ARHGEF3: variants seen among roughly 807,000 people sequenced by gnomAD.
ARHGEF3 encodes the protein 59.8 kDA protein.
A neutral mutation model predicts 63.2 loss-of-function variants in ARHGEF3; 28 were observed. The ratio of observed to expected loss-of-function variants is 0.44; its 90% CI spans 0.33 to 0.61. The LOEUF (loss-of-function observed/expected upper bound fraction) is 0.61, where lower values mean the gene tolerates loss of function less well. ARHGEF3 is among the 20% of genes least tolerant of loss of function. The pLI is 0.03. For synonymous variants in ARHGEF3, 266 were observed against 254.2 expected, an observed-to-expected ratio of 1.05 and a Z score of -0.44; for missense variants, 533 against 659.3, an observed-to-expected ratio of 0.81 and a Z score of 2.10.
chr3:56,764,153 T>C (rs2035574194), intron 2 of ARHGEF3, among the ~76,000 whole-genome samples: 2 of 152,184 alleles, frequency 1.3e-5, no homozygotes, highest in South Asian at 2.1e-4. Flanking sequence ...AGCTTGGAGA[T>C]ATTCTGAGTA....
intron 3 of ARHGEF3, among the ~76,000 whole-genome samples, chr3:56,931,715 TTTCCAAAGTGATA>T (rs1471182138): frequency 6.6e-6 from 1 of 152,180 alleles, no homozygotes; most frequent in African/African-American, 2.4e-5. Flanking sequence ...TTCTCTGATT[TTTCCAAAGTGATA>T]TTCCAAAGTA....
Position 56,931,090 on chromosome 3 carries a change from T to C in ARHGEF3, c.129+27733A>G, listed in dbSNP as rs114976705. On this transcript the variant is annotated intron_variant, in intron 3 of 12. Coordinates refer to the ARHGEF3 transcript ENST00000338458. ...AGCAAATCCGATCCATTTGTACCAA[T>C]TCTGTAGACCTGAAAAACCTATTCC... 2.0e-3 allele frequency among the ~76,000 whole-genome samples: 310 copies of C among 152,342 alleles called. 3 individuals are homozygous for C. Among genetic ancestry groups the C allele is most frequent in the African/African-American group, 7.0e-3 (291 of 41,586 alleles).
chr3:56,983,202 G>C (rs764251816), intron 2 of ARHGEF3, among the ~76,000 whole-genome samples: 4 of 152,062 alleles, frequency 2.6e-5, no homozygotes, highest in Non-Finnish European at 4.4e-5. Flanking sequence ...TAAAAATCTA[G>C]ATTTCATTTA....
Position 56,733,760 on chromosome 3 carries a change from G to T in ARHGEF3, c.1042-1336C>A, listed in dbSNP as rs2033388198. Among the ~76,000 whole-genome samples the T allele has an allele frequency of 2.6e-5, 4 of 152,006 alleles. 1 individual carries two copies. The South Asian group carries it at 8.3e-4, about 31-fold the overall frequency. ...GCACTTTGGGAGGCCGAGGTGGGCGGATCACCTGAGGTCAGGAGTTCAAGA... is the reference window on the plus strand; with the variant it reads ...GCACTTTGGGAGGCCGAGGTGGGCGTATCACCTGAGGTCAGGAGTTCAAGA... On this transcript the variant is annotated intron_variant, in intron 8 of 9. Coordinates refer to ENST00000296315, the MANE Select transcript of ARHGEF3 (RefSeq NM_019555.3).
intron 4 of ARHGEF3, among the ~76,000 whole-genome samples, chr3:56,833,570 A>G (rs2039000399): frequency 6.6e-6 from 1 of 152,130 alleles, no homozygotes; most frequent in South Asian, 2.1e-4. Context: ...AGCCTTCCCT[A>G]CACCACATTT....
intron 1 of ARHGEF3, among the ~76,000 whole-genome samples, chr3:56,778,705 T>A (rs556804172): frequency 2.6e-5 from 4 of 152,272 alleles, no homozygotes; most frequent in South Asian, 2.1e-4. Context: ...GGCTAAATTT[T>A]AAAAATTTTT....
chr3:57,000,497 C>CATTATT (rs375967050), intron 2 of ARHGEF3, among the ~76,000 whole-genome samples: 9 of 148,920 alleles, frequency 6.0e-5, no homozygotes, highest in African/African-American at 1.7e-4. Flanking sequence ...ACCTTTACTA[C>CATTATT]ATTATTATTA....
intron 2 of ARHGEF3, among the ~76,000 whole-genome samples, chr3:57,004,090 C>T (rs1353876765): frequency 1.3e-5 from 2 of 152,194 alleles, no homozygotes; most frequent in African/African-American, 2.4e-5. Flanking sequence ...GAAGCTACCA[C>T]CTGCTCCTAA....
rs190242031 is a variant in ARHGEF3 at position 57,064,467 on chromosome 3, T to G, written c.-28+14759A>C. On this transcript the variant is annotated intron_variant, in intron 1 of 12. Coordinates refer to the ARHGEF3 transcript ENST00000338458. ...GCCCCCAAGTAGCTGAGATTACAGG[T>G]GCATGCCACCACGCCCAGCAAATTG... Among the ~76,000 whole-genome samples, 390 of 152,118 alleles carry G rather than the reference T, an allele frequency of 2.6e-3. 4 individuals are homozygous for G. The highest frequency in any genetic ancestry group is 8.6e-3 in the African/African-American group (357 of 41,482).
chr3:56,752,961 A>T (rs2034864611), intron 4 of ARHGEF3, among the ~76,000 whole-genome samples: 1 of 152,202 alleles, frequency 6.6e-6, no homozygotes, highest in Non-Finnish European at 1.5e-5. Context: ...CAAGCCATGG[A>T]GTTGGGGGGC....
chr3:56,957,481 A>T (rs1478367715), intron 3 of ARHGEF3, among the ~76,000 whole-genome samples: 1 of 152,244 alleles, frequency 6.6e-6, no homozygotes. Context: ...TTCATCTGAC[A>T]AATTAATTAA....
intron 1 of ARHGEF3, chr3:57,074,228 T>C: frequency 1.2e-6 from 2 of 1,614,068 alleles, no homozygotes; most frequent in Non-Finnish European, 1.7e-6. Flanking sequence ...GGTCCCTCTC[T>C]ACAGTATACT....
intron 1 of ARHGEF3, chr3:57,074,351 C>T (rs927055471): frequency 6.4e-6 from 8 of 1,257,858 alleles, no homozygotes; most frequent in Non-Finnish European, 9.0e-6. Context: ...TTCCATCCCC[C>T]ACCCCCACCA....
At chr3:57,029,015 A>ACACACT (rs1333391405) in intron 2 of ARHGEF3, among the ~76,000 whole-genome samples, 2 of 149,596 alleles carry the variant, frequency 1.3e-5, no homozygotes, top group Admixed American at 6.7e-5. Context: ...ACACACACAC[A>ACACACT]CCTCCCAAAA....
chr3:56,857,496 G>A (rs1257031314), intron 4 of ARHGEF3, among the ~76,000 whole-genome samples: 3 of 152,222 alleles, frequency 2.0e-5, no homozygotes. Flanking sequence ...AGCCTGAAGA[G>A]CACAAAGAGT....
At chr3:56,952,291 G>C (rs541199541) in intron 3 of ARHGEF3, among the ~76,000 whole-genome samples, 4 of 152,252 alleles carry the variant, frequency 2.6e-5, no homozygotes, top group African/African-American at 9.6e-5. Flanking sequence ...ACCCCAAGCT[G>C]ACAGCCAGCA....
chr3:57,062,402 G>T (rs768650611), intron 1 of ARHGEF3, among the ~76,000 whole-genome samples: 27 of 152,316 alleles, frequency 1.8e-4, no homozygotes, highest in Non-Finnish European at 1.6e-4. Context: ...GATAGGCCCA[G>T]CCAGGACCAC....
intron 2 of ARHGEF3, among the ~76,000 whole-genome samples, chr3:57,008,819 G>C (rs1323431639): frequency 6.6e-6 from 1 of 152,026 alleles, no homozygotes; most frequent in East Asian, 1.9e-4. Flanking sequence ...AAACCCTAGG[G>C]GCACAAGCAC....
intron 3 of ARHGEF3, among the ~76,000 whole-genome samples, chr3:56,924,722 G>C (rs1429149140): frequency 2.0e-5 from 3 of 152,116 alleles, no homozygotes; most frequent in Non-Finnish European, 4.4e-5. Flanking sequence ...TTGCCATCTT[G>C]GTTTTGGTGG....
Sources: allele counts gnomAD v4.1 joint callset (sites outside exome capture counted in the v4.1 genomes callset), GRCh38; gene constraint gnomAD v4.1.1; transcripts MANE v1.5; gene names NCBI Gene and HGNC (gene_info 2026-07-23, HGNC 2026-07-21).